Variants in SCARB1 observed in about 807,000 individuals in gnomAD.
SCARB1 encodes the protein CD36 and LIMPII analogous 1.
Under a neutral mutation model 57.2 loss-of-function variants are expected in SCARB1, and 30 were observed. The observed-to-expected ratio is 0.52, with a 90% CI of 0.39 to 0.71. The LOEUF (loss-of-function observed/expected upper bound fraction) is 0.71. SCARB1 is among the 30% of genes least tolerant of loss of function. SCARB1 has a pLI of 0.00. For missense variants in SCARB1, 543 were observed against 671.2 expected, an observed-to-expected ratio of 0.81 and a Z score of 2.11; for synonymous variants, 249 against 268.3, an observed-to-expected ratio of 0.93 and a Z score of 0.70.
chr12:124,781,413 A>G lies in SCARB1; in HGVS notation c.*1270T>C, dbSNP rs59661519. Among the ~76,000 whole-genome samples the G allele has an allele frequency of 2.9e-3, 448 of 151,940 alleles. 14 individuals carry two copies. In the East Asian group the frequency reaches 0.073, roughly 25 times the overall value. On this transcript the variant is annotated intron_variant, in intron 12 of 12. Transcript: ENST00000261693. ...TTCAGAAACTAAAATAACAGCTATT[A>G]TCAGAGGCACCACGGTAGAGCGACT...
intron 1 of SCARB1, among the ~76,000 whole-genome samples, chr12:124,820,918 A>G (rs1340431011): frequency 6.6e-6 from 1 of 152,108 alleles, no homozygotes. Context: ...GTTTTATATC[A>G]ATCACACCTT....
chr12:124,831,409 G>A (rs889847370), intron 1 of SCARB1, among the ~76,000 whole-genome samples: 18 of 152,126 alleles, frequency 1.2e-4, no homozygotes, highest in African/African-American at 3.9e-4. Context: ...GAGCCACTGC[G>A]CCTGGCCTAA....
At chr12:124,843,387 G>A (rs892616569) in intron 1 of SCARB1, among the ~76,000 whole-genome samples, 1 of 152,064 alleles carries the variant, frequency 6.6e-6, no homozygotes, top group Non-Finnish European at 1.5e-5. Flanking sequence ...GGGATTACAG[G>A]CATGAGCCAC....
chr12:124,814,942 C>A lies in SCARB1; in HGVS notation c.426+31G>T, dbSNP rs756479526. 1.2e-6 allele frequency: 2 copies of A among 1,613,456 alleles called. No individual in the cohort carries two copies. The highest frequency in any genetic ancestry group is 4.5e-5 in the East Asian group (2 of 44,842). Reference sequence around the variant, plus strand: ...AGAGACAGGGGACGAGGTCAGGGTGCGAGGCGGCGTGGGCCACAGGGCAGC... The same window carrying A: ...AGAGACAGGGGACGAGGTCAGGGTGAGAGGCGGCGTGGGCCACAGGGCAGC... On this transcript the variant is annotated intron_variant, in intron 3 of 12. Coordinates refer to ENST00000261693, the MANE Select transcript of SCARB1 (RefSeq NM_005505.5). The surrounding 1 kb of genome is among the most constrained non-coding windows in gnomAD (Gnocchi z 4.7).
intron 1 of SCARB1, among the ~76,000 whole-genome samples, chr12:124,848,146 C>T (rs1401515476): frequency 2.0e-5 from 3 of 152,308 alleles, no homozygotes; most frequent in African/African-American, 2.4e-5. Context: ...TGCAGTGGCA[C>T]GATCTCGGCT....
chr12:124,791,233 G>A (rs1443711634), intron 9 of SCARB1, among the ~76,000 whole-genome samples: 1 of 152,180 alleles, frequency 6.6e-6, no homozygotes, highest in Non-Finnish European at 1.5e-5. Context: ...TCCCTTTGCT[G>A]ATTTGCTTTG....
intron 1 of SCARB1, chr12:124,862,646 T>C (rs1278393117): frequency 6.6e-6 from 1 of 151,862 alleles, no homozygotes; most frequent in Non-Finnish European, 1.5e-5. Context: ...AGAACTTTGA[T>C]AAGAGTGAGC....
chr12:124,859,509 C>T (rs918874502), intron 1 of SCARB1, among the ~76,000 whole-genome samples: 7 of 149,836 alleles, frequency 4.7e-5, no homozygotes, highest in African/African-American at 7.4e-5. Flanking sequence ...CCAGCCTGGG[C>T]GACAGAGCGA....
chr12:124,791,879 C>A (rs1167668357), intron 9 of SCARB1, among the ~76,000 whole-genome samples: 3 of 151,908 alleles, frequency 2.0e-5, no homozygotes, highest in South Asian at 2.1e-4. Context: ...TCGCTTGAAC[C>A]CGAGGCGGAG....
chr12:124,803,689 CAAAAA>C (rs58564503), intron 7 of SCARB1, among the ~76,000 whole-genome samples: 322 of 47,674 alleles, frequency 6.8e-3, no homozygotes, highest in East Asian at 0.013. Context: ...CCCACCTCTA[CAAAAA>C]AAAAAAAAAA....
chr12:124,788,072 C>T (rs577110901), intron 9 of SCARB1, among the ~76,000 whole-genome samples: 1 of 152,192 alleles, frequency 6.6e-6, no homozygotes, highest in South Asian at 2.1e-4. Context: ...AGTACTATCC[C>T]CAGCTTCAGG....
At chr12:124,799,128 CA>C (rs1336977841) in intron 8 of SCARB1, among the ~76,000 whole-genome samples, 4 of 152,312 alleles carry the variant, frequency 2.6e-5, no homozygotes, top group Admixed American at 1.3e-4. Context: ...TGAGGTAATG[CA>C]TATGTTAATT....
intron 6 of SCARB1, among the ~76,000 whole-genome samples, chr12:124,808,402 G>A (rs1055595276): frequency 5.3e-5 from 8 of 152,122 alleles, no homozygotes; most frequent in Non-Finnish European, 2.9e-5. Context: ...AGGATTCATT[G>A]ACCTTATCTA....
At chr12:124,786,278 G>A (rs551827683) in intron 11 of SCARB1, 79 bp downstream of exon 11, 3 of 1,602,670 alleles carry the variant, frequency 1.9e-6, no homozygotes, top group East Asian at 2.2e-5. Context: ...GTTGGCCAGA[G>A]GGTCCGATCT....
At position 124,817,508 on chromosome 12, in the gene SCARB1, G is replaced by GCCTCAGCCGGCCCCTCCAC. The variant is rs774554966; in HGVS notation, c.284+23_284+41dup. 1 of 1,605,402 alleles carries GCCTCAGCCGGCCCCTCCAC rather than the reference G, an allele frequency of 6.2e-7. No individual in the cohort carries two copies. The highest frequency in any genetic ancestry group is 1.3e-5 in the African/African-American group (1 of 74,936). On this transcript the variant is annotated intron_variant, in intron 2 of 12. Coordinates refer to ENST00000261693, the MANE Select transcript of SCARB1 (RefSeq NM_005505.5). This position sits in a 1 kb window ranked among gnomAD's most constrained non-coding sequence, Gnocchi z 4.8. ...CACTCTGAGACCCCTCCCCTGCCCA[G>GCCTCAGCCGGCCCCTCCAC]CCTCAGCCGGCCCCTCCACCCTCAC... is the stretch of plus-strand genomic sequence containing the variant.
At chr12:124,802,149 C>CAAAAAA (rs10636464) in intron 7 of SCARB1, among the ~76,000 whole-genome samples, 36 of 111,824 alleles carry the variant, frequency 3.2e-4, no homozygotes, top group Non-Finnish European at 6.2e-4. Flanking sequence ...GACTGTGTCT[C>CAAAAAA]AAAAAAAAAA....
chr12:124,863,387 C>G (rs190930111), intron 1 of SCARB1, among the ~76,000 whole-genome samples: 18 of 152,298 alleles, frequency 1.2e-4, no homozygotes, highest in Non-Finnish European at 2.4e-4. Context: ...GGGTTCCCCC[C>G]TAGCCTCAGT....
At chr12:124,818,546 A>C (rs1950826989) in intron 1 of SCARB1, among the ~76,000 whole-genome samples, 1 of 152,154 alleles carries the variant, frequency 6.6e-6, no homozygotes, top group Non-Finnish European at 1.5e-5. Context: ...GGCTAACTGC[A>C]ACCTCTGCTT....
intron 1 of SCARB1, among the ~76,000 whole-genome samples, chr12:124,845,809 T>C (rs1952123693): frequency 6.9e-6 from 1 of 144,764 alleles, no homozygotes; most frequent in African/African-American, 2.6e-5. Context: ...AGTTTGAGAC[T>C]AGCCTGGCCA....
Sources: gnomAD v4.1 joint callset for allele counts (sites outside exome capture counted in the v4.1 genomes callset) on GRCh38, gnomAD v4.1.1 for gene constraint, Gnocchi (gnomAD v3.1) non-coding constraint, MANE v1.5 for transcripts, NCBI Gene and HGNC (gene_info 2026-07-23, HGNC 2026-07-21) for gene names.